Variants in ADAM22 observed in about 807,000 individuals in gnomAD.
ADAM22 encodes the protein ADAM metallopeptidase domain 22, also known as disintegrin and metalloproteinase domain-containing protein 22.
ADAM22 carries 65 observed loss-of-function variants against 144.6 expected under a neutral mutation model. That is an observed-to-expected ratio of 0.45 (90% CI 0.37 to 0.55). The LOEUF (loss-of-function observed/expected upper bound fraction) is 0.55. ADAM22 is among the 20% of genes least tolerant of loss of function. ADAM22 has a pLI of 0.00. For synonymous variants in ADAM22, 391 were observed against 412.6 expected (o/e 0.95, Z 0.63); for missense variants, 974 against 1,184.9 (o/e 0.82, Z 2.61).
At chr7:88,030,956 A>T (rs1364897861) in intron 3 of ADAM22, among the ~76,000 whole-genome samples, 1 of 152,086 alleles carries the variant, frequency 6.6e-6, no homozygotes, top group Non-Finnish European at 1.5e-5. Flanking sequence ...CTCTACTAAA[A>T]ATACAAAAAA....
intron 2 of ADAM22, among the ~76,000 whole-genome samples, chr7:87,948,759 C>G (rs1339580396): frequency 6.6e-6 from 1 of 152,010 alleles, no homozygotes; most frequent in African/African-American, 2.4e-5. Flanking sequence ...GCTTATGTGT[C>G]CATTAAGGAG....
chr7:88,180,764 T>C (rs921273853), intron 27 of ADAM22, among the ~76,000 whole-genome samples: 6 of 152,142 alleles, frequency 3.9e-5, no homozygotes, highest in Middle Eastern at 3.2e-3. Flanking sequence ...CTCTGAAGTA[T>C]ATGTAGCTTG....
intron 2 of ADAM22, among the ~76,000 whole-genome samples, chr7:87,937,607 CT>C (rs1562794273): frequency 6.6e-6 from 1 of 152,156 alleles, no homozygotes; most frequent in East Asian, 1.9e-4. Context: ...GTCAGTCCTC[CT>C]TTTCTCCCCA....
intron 22 of ADAM22, among the ~76,000 whole-genome samples, chr7:88,157,603 C>T (rs919139183): frequency 6.7e-6 from 1 of 149,968 alleles, no homozygotes; most frequent in African/African-American, 2.5e-5. Flanking sequence ...TAGGAAACAA[C>T]ATACCACAAA....
At chr7:88,153,458 A>C in intron 21 of ADAM22, 132 bp downstream of exon 21, 1 of 668,726 alleles carries the variant, frequency 1.5e-6, no homozygotes, top group Non-Finnish European at 2.5e-6. Context: ...ATCTCTTCCC[A>C]GTGTTCCAGC....
At chr7:88,006,990 T>C (rs1014460650) in intron 3 of ADAM22, among the ~76,000 whole-genome samples, 5 of 152,146 alleles carry the variant, frequency 3.3e-5, no homozygotes, top group African/African-American at 1.2e-4. Flanking sequence ...CATGATTGTA[T>C]ATCTAGAAAA....
intron 2 of ADAM22, among the ~76,000 whole-genome samples, chr7:87,973,126 A>G (rs977393080): frequency 3.3e-5 from 5 of 152,240 alleles, no homozygotes; most frequent in African/African-American, 4.8e-5. Flanking sequence ...CTGCACAGCA[A>G]AAGAAACCAC....
intron 7 of ADAM22, among the ~76,000 whole-genome samples, chr7:88,123,293 T>C (rs917639772): frequency 6.6e-6 from 1 of 151,996 alleles, no homozygotes; most frequent in African/African-American, 2.4e-5. Flanking sequence ...GTTTCCAAAC[T>C]CTTTTTTTTT....
intron 26 of ADAM22, among the ~76,000 whole-genome samples, chr7:88,173,437 G>A (rs1282393679): frequency 6.6e-6 from 1 of 151,874 alleles, no homozygotes; most frequent in African/African-American, 2.4e-5. Flanking sequence ...TTGTACAGTA[G>A]GTCTCAAAGT....
chr7:88,154,689 A>T (rs189412739), intron 21 of ADAM22, among the ~76,000 whole-genome samples: 44 of 152,284 alleles, frequency 2.9e-4, no homozygotes, highest in Non-Finnish European at 5.9e-5. Flanking sequence ...ATAGGTTCAT[A>T]TACATAAATG....
intron 3 of ADAM22, among the ~76,000 whole-genome samples, chr7:88,031,730 C>T (rs1230999757): frequency 2.0e-5 from 3 of 152,234 alleles, no homozygotes; most frequent in Non-Finnish European, 4.4e-5. Flanking sequence ...GCAGCCCCTC[C>T]CATCACAGGC....
chr7:88,066,190 AG>A (rs1458405508), intron 3 of ADAM22, among the ~76,000 whole-genome samples: 1 of 152,184 alleles, frequency 6.6e-6, no homozygotes, highest in East Asian at 1.9e-4. Flanking sequence ...TTAACAGAGT[AG>A]ATCTTAAGCC....
chr7:88,076,426 C>T (rs967871492), intron 4 of ADAM22, among the ~76,000 whole-genome samples: 1 of 152,128 alleles, frequency 6.6e-6, no homozygotes, highest in South Asian at 2.1e-4. Context: ...AATGTTACCC[C>T]TGAGAACCAA....
chr7:88,095,214 A>G (rs954424655), intron 4 of ADAM22, among the ~76,000 whole-genome samples: 4 of 152,168 alleles, frequency 2.6e-5, no homozygotes, highest in African/African-American at 7.2e-5. Flanking sequence ...TTCCTGCTTT[A>G]TAAGACAATT....
intron 30 of ADAM22, among the ~76,000 whole-genome samples, chr7:88,192,441 A>G (rs1170001569): frequency 2.0e-5 from 3 of 152,244 alleles, no homozygotes; most frequent in Non-Finnish European, 4.4e-5. Flanking sequence ...CAAGTACAGC[A>G]TAATACAGCA....
At chr7:87,972,112 G>C (rs540557749) in intron 2 of ADAM22, among the ~76,000 whole-genome samples, 1 of 152,098 alleles carries the variant, frequency 6.6e-6, no homozygotes, top group Non-Finnish European at 1.5e-5. Flanking sequence ...GAAATAAAGG[G>C]TATTCAATTA....
chr7:88,024,604 G>A (rs1798566572), intron 3 of ADAM22, among the ~76,000 whole-genome samples: 1 of 151,742 alleles, frequency 6.6e-6, no homozygotes. Context: ...ACAACGTGCA[G>A]GCTTGTTACA....
intron 25 of ADAM22, 144 bp downstream of exon 25, chr7:88,168,371 A>T: frequency 1.3e-6 from 1 of 793,714 alleles, no homozygotes; most frequent in Non-Finnish European, 2.2e-6. Context: ...GTCAATGCTT[A>T]TTCTTGGCAT....
In ADAM22 at chr7:87,956,454, A is replaced by G. The variant is rs1181470530; in HGVS notation, c.246+21268A>G. 2.0e-5 allele frequency among the ~76,000 whole-genome samples: 3 copies of G among 152,232 alleles called. No homozygotes were observed. In the East Asian group the frequency reaches 5.8e-4, roughly 29 times the overall value. ...GTATTTTTATAAGAGGTTTATTGAG[A>G]TATAATTCACACAGTATAGAATTAA... On this transcript the variant is annotated intron_variant, in intron 2 of 31. Coordinates refer to ENST00000413139, the MANE Select transcript of ADAM22 (RefSeq NM_001324418.2).
Sources: gnomAD v4.1 joint callset for allele counts (sites outside exome capture counted in the v4.1 genomes callset) on GRCh38, gnomAD v4.1.1 for gene constraint, MANE v1.5 for transcripts, NCBI Gene and HGNC (gene_info 2026-07-23, HGNC 2026-07-21) for gene names.